Variants in HMCN2 observed in about 807,000 individuals in gnomAD.
HMCN2 encodes the protein hemicentin 2, also known as hemicentin-2.
A neutral mutation model predicts 377.5 loss-of-function variants in HMCN2; 325 were observed. That is an observed-to-expected ratio of 0.86 (90% CI 0.79 to 0.94). The LOEUF is 0.94. Among genes scored for constraint, HMCN2 ranks in the 40% least tolerant of loss-of-function variants. HMCN2 has a pLI of 0.00. For missense variants in HMCN2, 4,543 were observed against 4,725.3 expected (o/e 0.96, Z 1.13); for synonymous variants, 2,007 against 2,046.8 (o/e 0.98, Z 0.53).
intron 52 of HMCN2, among the ~76,000 whole-genome samples, chr9:130,377,360 A>G: frequency 6.6e-6 from 1 of 151,378 alleles, no homozygotes; most frequent in East Asian, 2.0e-4. Context: ...TGATCCACCA[A>G]CCTTGGCCTC....
chr9:130,304,823 A>G lies in HMCN2; in HGVS notation c.1637A>G (p.Tyr546Cys), dbSNP rs1554936009. 2.1e-6 allele frequency: 1 copy of G among 471,126 alleles called. No homozygotes were observed. The highest frequency in any genetic ancestry group is 3.3e-4 in the Middle Eastern group (1 of 3,068). The allele number at this position is 471,126 out of a possible 1,614,324, so 29.2% of individuals were successfully genotyped here. ...TGCCGGGTCCTAGGCGAGGCCCCCT[A>G]CAACCTGACGTGGGTCCGGGACTGG... ...LSCRVLGEAP[Y>C]NLTWVRDWRV... Residue 546 changes from tyrosine to cysteine, a missense_variant, in exon 11 of 98, where the codon TAC becomes TGC. By Grantham distance (194) the Tyr-to-Cys change is radical. Transcript: ENST00000683500. The surrounding 1 kb of genome is among the most constrained non-coding windows in gnomAD (Gnocchi z 4.3).
chr9:130,419,699 C>T (rs1023774789), intron 86 of HMCN2: 1 of 146,314 alleles, frequency 6.8e-6, no homozygotes, highest in African/African-American at 2.8e-5. Context: ...TCTATCACCA[C>T]ATGGGAACAC....
chr9:130,314,999 C>T (rs1453072485), intron 15 of HMCN2, among the ~76,000 whole-genome samples: 1 of 151,878 alleles, frequency 6.6e-6, no homozygotes, highest in Non-Finnish European at 1.5e-5. Context: ...TGTCATCTGA[C>T]TTCACCAGGG....
chr9:130,266,843 G>A (rs758251467), intron 1 of HMCN2, among the ~76,000 whole-genome samples: 1 of 152,144 alleles, frequency 6.6e-6, no homozygotes, highest in Non-Finnish European at 1.5e-5. Context: ...TGTTAGGGGC[G>A]CCCTTGAAAG....
chr9:130,324,368 A>G (rs947433414), intron 19 of HMCN2, among the ~76,000 whole-genome samples: 1 of 152,190 alleles, frequency 6.6e-6, no homozygotes, highest in Non-Finnish European at 1.5e-5. Flanking sequence ...AAAAAAACAG[A>G]CTGGACTTTT....
rs1029561936 is a variant in HMCN2 at position 130,424,705 on chromosome 9, G to A, written c.13382-71G>A. 4.9e-6 allele frequency: 7 copies of A among 1,426,508 alleles called. No homozygotes were observed. In the African/African-American group the frequency reaches 7.2e-5, roughly 15 times the overall value. 88.4% of individuals were successfully genotyped at this position (1,426,508 alleles called of 1,614,324 possible). A position where few individuals can be genotyped will look rare whatever the true frequency, so the allele number is the denominator to read the frequency against. ...CCTGGGGGCAGTGGGGAGCCATGACGGGACCTTGAACAGGAGGTGGCTGCC... is the reference window on the plus strand; with the variant it reads ...CCTGGGGGCAGTGGGGAGCCATGACAGGACCTTGAACAGGAGGTGGCTGCC... On this transcript the variant is annotated intron_variant, in intron 87 of 97. Transcript: ENST00000683500.
Position 130,396,079 on chromosome 9 carries a change from G to GGCCCCCC in HMCN2, c.11053+14_11053+15insGCCCCCC. On this transcript the variant is annotated intron_variant, in intron 72 of 97. Coordinates refer to ENST00000683500, the MANE Select transcript of HMCN2 (RefSeq NM_001291815.2). ...TGGAGATCCACAGTGAGTAGGGCCC[G>GGCCCCCC]CCCCACCCCACCCTGCCCACCTTAC... 1.9e-5 allele frequency: 9 copies of GGCCCCCC among 482,610 alleles called. No individual in the cohort carries two copies. Among genetic ancestry groups the GGCCCCCC allele is most frequent in the Non-Finnish European group, 2.4e-5 (9 of 375,388 alleles). The allele number at this position is 482,610 out of a possible 1,614,324, so 29.9% of individuals were successfully genotyped here. A position where few individuals can be genotyped will look rare whatever the true frequency, so the allele number is the denominator to read the frequency against.
rs768475524 is a variant in HMCN2 at position 130,399,644 on chromosome 9, C to T, written c.11605+12C>T. 1 of 1,284,426 alleles carries T rather than the reference C, an allele frequency of 7.8e-7. No homozygotes were observed. The highest frequency in any genetic ancestry group is 1.2e-5 in the South Asian group (1 of 80,730). The allele number at this position is 1,284,426 out of a possible 1,614,324, so 79.6% of individuals were successfully genotyped here. ...GGTGACCGTCCATGGTGAGTCGGGG[C>T]AGAGGTGGAGGGGGACACCTGGGGT... is the stretch of plus-strand genomic sequence containing the variant. On this transcript the variant is annotated intron_variant, in intron 76 of 97. Coordinates refer to ENST00000683500, the MANE Select transcript of HMCN2 (RefSeq NM_001291815.2).
intron 61 of HMCN2, among the ~76,000 whole-genome samples, chr9:130,387,464 C>T (rs961234198): frequency 9.2e-5 from 14 of 152,152 alleles, no homozygotes; most frequent in African/African-American, 2.4e-4. Context: ...AACTGGGACA[C>T]GGCATCGTGT....
chr9:130,330,602 AC>A (rs1362506226), intron 22 of HMCN2, among the ~76,000 whole-genome samples: 6 of 149,416 alleles, frequency 4.0e-5, no homozygotes, highest in Admixed American at 6.7e-5. Context: ...GGTATCTTCG[AC>A]CCCCCCAAGT....
rs779764514 is a variant in HMCN2, at chr9:130,430,382, C to T, written c.14425C>T (p.Leu4809Phe). The T allele has an allele frequency of 6.5e-6, 10 of 1,550,044 alleles. No individual in the cohort carries two copies. Among genetic ancestry groups the T allele is most frequent in the Non-Finnish European group, 7.8e-6 (9 of 1,146,986 alleles). The change falls in exon 95 of 98, where the codon CTT (leucine) becomes TTT (phenylalanine). Residue 4809 changes from leucine to phenylalanine, a missense_variant. Leu to Phe is a conservative substitution (Grantham distance 22). Transcript: ENST00000683500. The part of the protein sequence containing the change: ...RCLCPPGQTL[L>F]RDGKACTSLE... ...CCTGTGCCCCCCAGGCCAGACCCTC[C>T]TTCGCGACGGCAAGGCCTGCACCTC...
chr9:130,398,303 G>A (rs1842707992), intron 74 of HMCN2, among the ~76,000 whole-genome samples: 1 of 152,290 alleles, frequency 6.6e-6, no homozygotes, highest in South Asian at 2.1e-4. Context: ...GGGGGCTGAT[G>A]GGAGTGGAGG....
intron 75 of HMCN2, 150 bp from the exon 76 acceptor site, chr9:130,399,361 G>A: frequency 1.0e-6 from 1 of 988,098 alleles, no homozygotes. Flanking sequence ...CTAGACCTGT[G>A]GGGCAGAAAC....
chr9:130,432,827 C>T, intron 97 of HMCN2: 1 of 515,900 alleles, frequency 1.9e-6, no homozygotes, highest in Non-Finnish European at 3.5e-6. Context: ...TCCTCCACGC[C>T]ACTCACAGCG....
intron 22 of HMCN2, among the ~76,000 whole-genome samples, chr9:130,334,730 TTCTC>T (rs1244703266): frequency 1.5e-5 from 2 of 134,964 alleles, no homozygotes; most frequent in African/African-American, 5.5e-5. Flanking sequence ...TCTTCTCTCT[TTCTC>T]TCTCTTTCTC....
At chr9:130,373,383 G>T (rs1456395425) in intron 48 of HMCN2, among the ~76,000 whole-genome samples, 1 of 152,124 alleles carries the variant, frequency 6.6e-6, no homozygotes, top group Non-Finnish European at 1.5e-5. Flanking sequence ...GGCCCCTAAG[G>T]CTCAGTGGGC....
Position 130,384,364 on chromosome 9 carries a change from T to C in HMCN2, c.8831-9T>C. On this transcript the variant is annotated splice_polypyrimidine_tract_variant and intron_variant, in intron 57 of 97. Transcript: ENST00000683500. Reference sequence around the variant, plus strand: ...ATGCCTTTCTCTACCGTGGTGGCTGTGGGGATAGTCCCGCCACGAATCGCA... The same window carrying C: ...ATGCCTTTCTCTACCGTGGTGGCTGCGGGGATAGTCCCGCCACGAATCGCA... 1 of 1,290,562 alleles carries C rather than the reference T, an allele frequency of 7.7e-7. No individual in the cohort carries two copies. The highest frequency in any genetic ancestry group is 1.0e-6 in the Non-Finnish European group (1 of 980,400). 79.9% of individuals were successfully genotyped at this position (1,290,562 alleles called of 1,614,324 possible). A position where few individuals can be genotyped will look rare whatever the true frequency, so the allele number is the denominator to read the frequency against.
Position 130,431,372 on chromosome 9 carries a change from G to C in HMCN2, c.14653G>C (p.Asp4885His), listed in dbSNP as rs1382568226. ...CACCCCCATGCCCGGGCCAGACCTT[G>C]ACGAGTGCCGCGTGAGGAACCTGTG... is the stretch of plus-strand genomic sequence containing the variant. ...IRQNGVCTDL[D>H]ECRVRNLCQH... is the part of the protein sequence containing the mutation. The change falls in exon 96 of 98, where the codon GAC becomes CAC. Residue 4885 changes from aspartate (D) to histidine (H), a missense_variant. Around this residue, in one of 5 missense-constraint regions of HMCN2, gnomAD observed 1,155 missense variants for 1,157.7 expected, o/e 1.00. Transcript: ENST00000683500. The C allele has an allele frequency of 1.9e-6, 3 of 1,549,406 alleles. No individual in the cohort carries two copies. The highest frequency in any genetic ancestry group is 2.6e-6 in the Non-Finnish European group (3 of 1,146,528).
intron 86 of HMCN2, among the ~76,000 whole-genome samples, chr9:130,420,613 T>A (rs1488043433): frequency 6.6e-6 from 1 of 152,040 alleles, no homozygotes; most frequent in African/African-American, 2.4e-5. Context: ...GGGGAGGATC[T>A]GGTCTGGGTC....
Sources: gnomAD v4.1 joint callset for allele counts (sites outside exome capture counted in the v4.1 genomes callset) on GRCh38, gnomAD v4.1.1 for gene constraint, gnomAD v4.1.1 regional missense constraint, Gnocchi (gnomAD v3.1) non-coding constraint, MANE v1.5 for transcripts, NCBI Gene and HGNC (gene_info 2026-07-23, HGNC 2026-07-21) for gene names.